ATAD2B: variants seen among roughly 807,000 people sequenced by gnomAD.
The protein encoded by ATAD2B is ATPase family AAA domain containing 2B, also known as ATPase family AAA domain-containing protein 2B.
In ATAD2B, 40 loss-of-function variants were observed where a neutral mutation model predicts 167.6. The ratio of observed to expected loss-of-function variants is 0.24; its 90% CI spans 0.19 to 0.31. ATAD2B has a LOEUF of 0.31. Among genes scored for constraint, ATAD2B ranks in the 10% least tolerant of loss-of-function variants. The pLI is 1.00. For missense variants in ATAD2B, 1,242 were observed against 1,757.2 expected (o/e 0.71, Z 5.24); for synonymous variants, 579 against 596.5 (o/e 0.97, Z 0.43).
chr2:23,824,291 T>C (rs765696301), intron 15 of ATAD2B, among the ~76,000 whole-genome samples: 3 of 152,176 alleles, frequency 2.0e-5, no homozygotes, highest in Non-Finnish European at 4.4e-5. Context: ...TAGAAAAAAG[T>C]TTTAAAAGAA....
chr2:23,842,171 C>A (rs1470214803), intron 13 of ATAD2B, among the ~76,000 whole-genome samples: 1 of 152,114 alleles, frequency 6.6e-6, no homozygotes, highest in South Asian at 2.1e-4. Context: ...TTTTCCCCAT[C>A]GGTTATATGA....
intron 22 of ATAD2B, among the ~76,000 whole-genome samples, chr2:23,774,501 TC>T (rs1331389845): frequency 1.3e-4 from 20 of 152,202 alleles, no homozygotes; most frequent in African/African-American, 4.6e-4. Context: ...ATTTACTGGT[TC>T]AGGTCATATT....
intron 26 of ATAD2B, 103 bp downstream of exon 26, chr2:23,754,544 T>C: frequency 1.4e-6 from 2 of 1,412,242 alleles, no homozygotes; most frequent in East Asian, 4.6e-5. Flanking sequence ...GGCATTTATA[T>C]TTCAGGGTTA....
chr2:23,861,958 T>G (rs1480928480), intron 12 of ATAD2B, among the ~76,000 whole-genome samples: 1 of 152,188 alleles, frequency 6.6e-6, no homozygotes, highest in African/African-American at 2.4e-5. Flanking sequence ...CCCAACACTT[T>G]GGGAGGCCAA....
the ATAD2B span, among the ~76,000 whole-genome samples, chr2:23,731,026 A>G: frequency 1.3e-5 from 2 of 152,062 alleles, no homozygotes; most frequent in Admixed American, 1.3e-4. Flanking sequence ...AAAGATTACT[A>G]GAGTTGTGTC....
At chr2:23,698,870 G>C in the ATAD2B span, among the ~76,000 whole-genome samples, 2 of 152,254 alleles carry the variant, frequency 1.3e-5, no homozygotes, top group South Asian at 4.1e-4. Flanking sequence ...CAGGAAATTC[G>C]CATTTGGTGC....
the ATAD2B span, among the ~76,000 whole-genome samples, chr2:23,710,257 G>A: frequency 6.6e-6 from 1 of 151,286 alleles, no homozygotes; most frequent in African/African-American, 2.4e-5. Flanking sequence ...AACAGTTAAA[G>A]AGAATAGGTC....
intron 18 of ATAD2B, among the ~76,000 whole-genome samples, chr2:23,799,576 AAAAAAAAAAAAAAG>A (rs971853339): frequency 2.7e-5 from 4 of 149,546 alleles, no homozygotes; most frequent in African/African-American, 7.5e-5. Flanking sequence ...ATCTCAAAAA[AAAAAAAAAAAAAAG>A]AAAAGAAAAA....
At chr2:23,680,762 CTGGGGT>C in the ATAD2B span, among the ~76,000 whole-genome samples, 4 of 151,720 alleles carry the variant, frequency 2.6e-5, no homozygotes, top group Non-Finnish European at 5.9e-5. The surrounding 1 kb of genome is among the most constrained non-coding windows in gnomAD (Gnocchi z 4.1). Context: ...CCATCTTCTC[CTGGGGT>C]CTCTAGGCCA....
In ATAD2B at chr2:23,880,736, TC is replaced by T; in HGVS notation, c.803del (p.Gly268GlufsTer3). 1 of 1,598,938 alleles carries T rather than the reference TC, an allele frequency of 6.3e-7. No homozygotes were observed. On this transcript the variant is annotated frameshift_variant, in exon 7 of 28. Transcript: ENST00000238789. LOFTEE classifies it high-confidence loss of function. ...GEEEESQEED[G>X]DIEVEEAEGE... ...CTTCTGCCTCTTCAACTTCTATATC[TC>T]CATCCTCCTCTTGAGATTCTAGTTT... is the stretch of plus-strand genomic sequence containing the variant.
chr2:23,900,168 G>A (rs1387581515), intron 1 of ATAD2B, among the ~76,000 whole-genome samples: 3 of 151,348 alleles, frequency 2.0e-5, no homozygotes, highest in Non-Finnish European at 2.9e-5. Flanking sequence ...TGCCAGCCTC[G>A]GCCTCCGAAA....
intron 22 of ATAD2B, among the ~76,000 whole-genome samples, chr2:23,774,040 G>GA (rs986101933): frequency 2.0e-5 from 3 of 150,522 alleles, no homozygotes; most frequent in East Asian, 3.9e-4. Context: ...TCATTATGAA[G>GA]AAAAAAAAAT....
intron 15 of ATAD2B, chr2:23,827,970 C>T (rs1688495394): frequency 6.6e-6 from 1 of 152,152 alleles, no homozygotes; most frequent in Non-Finnish European, 1.5e-5. Context: ...TTAAGTTGTT[C>T]TTTTTGGCTT....
At chr2:23,817,720 T>C (rs1442614046) in intron 17 of ATAD2B, among the ~76,000 whole-genome samples, 1 of 152,200 alleles carries the variant, frequency 6.6e-6, no homozygotes, top group Admixed American at 6.5e-5. Flanking sequence ...ATAATTATTA[T>C]TAAAACATCT....
intron 24 of ATAD2B, among the ~76,000 whole-genome samples, chr2:23,758,660 C>T (rs1243988968): frequency 6.6e-6 from 1 of 152,124 alleles, no homozygotes; most frequent in Admixed American, 6.6e-5. Flanking sequence ...TGGATAGATG[C>T]CTTATGAAGG....
the ATAD2B span, among the ~76,000 whole-genome samples, chr2:23,711,406 C>T: frequency 9.0e-6 from 1 of 110,718 alleles, no homozygotes; most frequent in African/African-American, 3.5e-5. Context: ...CACTCTGTTG[C>T]CCAGGCTGGA....
In ATAD2B at chr2:23,919,180, T is replaced by TA. The variant is rs71395163; in HGVS notation, c.216+7374dup. On this transcript the variant is annotated intron_variant, in intron 1 of 27. Transcript: ENST00000238789. ...CAACATAAAAAGACCCCATCTCTATTAAAAAAAAAGAGAGAGAGAGAGAGA... is the reference window on the plus strand; with the variant it reads ...CAACATAAAAAGACCCCATCTCTATTAAAAAAAAAAGAGAGAGAGAGAGAGA... 4.6e-3 allele frequency among the ~76,000 whole-genome samples: 604 copies of TA among 130,516 alleles called. 7 individuals carry two copies. The South Asian group carries it at 0.047, about 10-fold the overall frequency. 85.6% of individuals were successfully genotyped at this position (130,516 alleles called of 152,430 possible). A position where few individuals can be genotyped will look rare whatever the true frequency, so the allele number is the denominator to read the frequency against.
At chr2:23,845,135 T>C (rs1691546169) in intron 13 of ATAD2B, among the ~76,000 whole-genome samples, 1 of 151,846 alleles carries the variant, frequency 6.6e-6, no homozygotes, top group Admixed American at 6.6e-5. Flanking sequence ...CCAGAGAAAA[T>C]ACCCTTCAAA....
At chr2:23,870,287 T>TTTTTTTTC (rs1695748848) in intron 8 of ATAD2B, among the ~76,000 whole-genome samples, 1 of 141,922 alleles carries the variant, frequency 7.0e-6, no homozygotes, top group African/African-American at 2.6e-5. Context: ...GTAACCAACT[T>TTTTTTTTC]TTTTTTTTTT....
Sources: allele counts gnomAD v4.1 joint callset (sites outside exome capture counted in the v4.1 genomes callset), GRCh38; gene constraint gnomAD v4.1.1; non-coding constraint Gnocchi (gnomAD v3.1); transcripts MANE v1.5; gene names NCBI Gene and HGNC (gene_info 2026-07-23, HGNC 2026-07-21).